The following PHLDB2 variants were observed in gnomAD, a reference collection of about 807,000 sequenced individuals.
PHLDB2 encodes pleckstrin homology like domain family B member 2.
PHLDB2 carries 71 observed loss-of-function variants against 123.6 expected under a neutral mutation model. The ratio of observed to expected loss-of-function variants is 0.57; its 90% CI spans 0.47 to 0.70. The LOEUF is 0.70. Ranked by LOEUF, PHLDB2 falls within the 30% of genes least tolerant of loss-of-function variation. The pLI is 0.00. For missense variants in PHLDB2, 1,446 were observed against 1,519.5 expected, an observed-to-expected ratio of 0.95 and a Z score of 0.80; for synonymous variants, 547 against 541.6, an observed-to-expected ratio of 1.01 and a Z score of -0.14.
rs1159566157 is a variant in PHLDB2 at position 111,975,884 on chromosome 3, G to T, written c.*1321G>T. 1.3e-5 allele frequency: 2 copies of T among 152,606 alleles called. No individual in the cohort carries two copies. The highest frequency in any genetic ancestry group is 3.8e-4 in the East Asian group (2 of 5,202). The allele number at this position is 152,606 out of a possible 1,614,324, so 9.5% of individuals were successfully genotyped here. A position where few individuals can be genotyped will look rare whatever the true frequency, so the allele number is the denominator to read the frequency against. On this transcript the variant is annotated 3_prime_UTR_variant, in exon 18 of 18. Coordinates refer to ENST00000431670, the MANE Select transcript of PHLDB2 (RefSeq NM_001134438.2). ...AGTGTCCCTTTATTAAACTTTGTCA[G>T]CCTGACTGGGTACAATTCTTTTGTT...
At chr3:111,786,648 T>C (rs531702806) in intron 1 of PHLDB2, among the ~76,000 whole-genome samples, 1 of 152,238 alleles carries the variant, frequency 6.6e-6, no homozygotes, top group African/African-American at 2.4e-5. Context: ...ACTTAGGGGA[T>C]TGGCAGACAA....
At chr3:111,911,787 T>C in intron 2 of PHLDB2, 2 of 1,388,198 alleles carry the variant, frequency 1.4e-6, no homozygotes, top group Non-Finnish European at 2.0e-6. Context: ...TTTTGTTTTT[T>C]TTGTTGGGGG....
intron 1 of PHLDB2, among the ~76,000 whole-genome samples, chr3:111,824,543 A>G (rs529592079): frequency 3.9e-5 from 6 of 152,168 alleles, no homozygotes; most frequent in Non-Finnish European, 8.8e-5. Context: ...ACGTTTCCTT[A>G]TGCTTGAGGG....
At chr3:111,963,118 G>A (rs1253823331) in intron 13 of PHLDB2, among the ~76,000 whole-genome samples, 1 of 152,064 alleles carries the variant, frequency 6.6e-6, no homozygotes, top group African/African-American at 2.4e-5. Flanking sequence ...AGCAAAGGTG[G>A]TCTTAACATA....
chr3:111,738,900 C>G (rs1432134698), intron 1 of PHLDB2, among the ~76,000 whole-genome samples: 2 of 152,264 alleles, frequency 1.3e-5, no homozygotes, highest in South Asian at 4.1e-4. Context: ...TGCCAACCCC[C>G]AACTGAATGG....
chr3:111,964,506 A>AT (rs529646565), intron 13 of PHLDB2, among the ~76,000 whole-genome samples: 212 of 143,544 alleles, frequency 1.5e-3, no homozygotes, highest in African/African-American at 2.0e-3. Context: ...CACCTGGCTA[A>AT]TTTTTTTTTT....
Position 111,913,694 on chromosome 3 carries a change from C to T in PHLDB2, c.1711C>T (p.Leu571=). 1.2e-6 allele frequency: 2 copies of T among 1,611,380 alleles called. No individual in the cohort carries two copies. Among genetic ancestry groups the T allele is most frequent in the Non-Finnish European group, 8.5e-7 (1 of 1,178,088 alleles). ...ASSESSYLSI[L]PKTPEGISEE... is the part of the protein sequence containing the mutation. ...CAGCGAGTCCTCTTATCTAAGTATC[C>T]TACCAAAGGTAATGTTGGCCCAGCA... Residue 571 remains leucine, a synonymous_variant, in exon 3 of 18, where the codon CTA becomes TTA. Transcript: ENST00000431670.
chr3:111,756,788 T>G (rs1381274071), intron 1 of PHLDB2, among the ~76,000 whole-genome samples: 8 of 152,140 alleles, frequency 5.3e-5, no homozygotes, highest in Non-Finnish European at 8.8e-5. Flanking sequence ...GGCTGGTACC[T>G]GTTGTTCCTT....
chr3:111,760,661 T>G (rs572928503), intron 1 of PHLDB2, among the ~76,000 whole-genome samples: 17 of 152,174 alleles, frequency 1.1e-4, no homozygotes, highest in Non-Finnish European at 2.5e-4. Context: ...GTTTTCTTGC[T>G]TCTGCGATGT....
intron 2 of PHLDB2, chr3:111,911,618 C>T (rs1577066178): frequency 2.0e-6 from 3 of 1,535,830 alleles, no homozygotes; most frequent in Admixed American, 2.0e-5. Flanking sequence ...GGATAGGGTG[C>T]AGAAGAGCCC....
intron 5 of PHLDB2, among the ~76,000 whole-genome samples, chr3:111,927,935 T>A (rs1369811498): frequency 6.6e-6 from 1 of 152,246 alleles, no homozygotes. Flanking sequence ...ACAATTTATG[T>A]TATTGTCTTT....
intron 1 of PHLDB2, among the ~76,000 whole-genome samples, chr3:111,742,885 G>A (rs2059627214): frequency 6.6e-6 from 1 of 152,158 alleles, no homozygotes; most frequent in African/African-American, 2.4e-5. Context: ...ACCTTGCTAA[G>A]GGATATAGAT....
intron 13 of PHLDB2, among the ~76,000 whole-genome samples, chr3:111,964,406 T>C (rs111883724): frequency 0.18 from 27,017 of 151,994 alleles, 2,891 homozygotes; most frequent in African/African-American, 0.29. Flanking sequence ...ATGGTGCAAT[T>C]TCAGCTCACT....
At chr3:111,859,863 G>C (rs868505257) in intron 1 of PHLDB2, 5 of 985,814 alleles carry the variant, frequency 5.1e-6, no homozygotes, top group Middle Eastern at 5.2e-4. Flanking sequence ...CGGCGGTTTG[G>C]AGGAAAGATG....
chr3:111,777,780 C>A (rs2060292043), intron 1 of PHLDB2, among the ~76,000 whole-genome samples: 1 of 152,114 alleles, frequency 6.6e-6, no homozygotes, highest in Non-Finnish European at 1.5e-5. Context: ...TCTGATTCCT[C>A]TTCAAAGAAA....
chr3:111,909,403 C>T (rs2067746135), intron 2 of PHLDB2, among the ~76,000 whole-genome samples: 1 of 152,068 alleles, frequency 6.6e-6, no homozygotes, highest in African/African-American at 2.4e-5. Context: ...TGAGACCAGC[C>T]TGTGCAACAT....
intron 1 of PHLDB2, among the ~76,000 whole-genome samples, chr3:111,865,274 C>G (rs2108671175): frequency 6.6e-6 from 1 of 152,324 alleles, no homozygotes; most frequent in African/African-American, 2.4e-5. Flanking sequence ...ACATCATGCT[C>G]AATCAAATAC....
At chr3:111,864,444 C>G (rs1208900177) in intron 1 of PHLDB2, among the ~76,000 whole-genome samples, 2 of 152,216 alleles carry the variant, frequency 1.3e-5, no homozygotes, top group African/African-American at 2.4e-5. Context: ...CTATGTTCAT[C>G]CAGGAATTTG....
At chr3:111,778,692 C>T (rs962717004) in intron 1 of PHLDB2, among the ~76,000 whole-genome samples, 1 of 152,014 alleles carries the variant, frequency 6.6e-6, no homozygotes, top group Non-Finnish European at 1.5e-5. Flanking sequence ...GAGTCCATAG[C>T]CTTAGAGTAT....
Sources: gnomAD v4.1 joint callset for allele counts (sites outside exome capture counted in the v4.1 genomes callset) on GRCh38, gnomAD v4.1.1 for gene constraint, MANE v1.5 for transcripts, NCBI Gene and HGNC (gene_info 2026-07-23, HGNC 2026-07-21) for gene names.